Variants in IL1RAPL1 observed in about 807,000 individuals in gnomAD.
IL1RAPL1 encodes the protein interleukin 1 receptor accessory protein like 1.
IL1RAPL1 carries 3 observed loss-of-function variants against 48.4 expected under a neutral mutation model. The observed-to-expected ratio is 0.06, with a 90% CI of 0.03 to 0.16. IL1RAPL1 has a LOEUF of 0.16. IL1RAPL1 is among the 10% of genes least tolerant of loss of function. The pLI is 1.00. For synonymous variants in IL1RAPL1, 185 were observed against 187.7 expected (o/e 0.99, Z 0.12); for missense variants, 349 against 530.6 (o/e 0.66, Z 3.36).
intron 2 of IL1RAPL1, among the ~76,000 whole-genome samples, chrX:28,822,389 C>G (rs112372699): frequency 0.018 from 1,985 of 111,439 alleles, 42 homozygotes; most frequent in African/African-American, 0.061. Context: ...GTGACTCAGA[C>G]CTCATGTGGC....
At chrX:29,564,674 G>C (rs953754310) in intron 5 of IL1RAPL1, among the ~76,000 whole-genome samples, 1 of 113,002 alleles carries the variant, frequency 8.8e-6, no homozygotes, top group African/African-American at 3.2e-5. Flanking sequence ...AAGGTTACAG[G>C]CAATCATTTC....
At chrX:29,322,696 T>G (rs1387093306) in intron 3 of IL1RAPL1, among the ~76,000 whole-genome samples, 1 of 112,085 alleles carries the variant, frequency 8.9e-6, no homozygotes, top group Non-Finnish European at 1.9e-5. Context: ...GGTCTGGGCT[T>G]GGCTCTCTCA....
chrX:29,078,589 T>C (rs1202818082), intron 2 of IL1RAPL1, among the ~76,000 whole-genome samples: 2 of 112,377 alleles, frequency 1.8e-5, no homozygotes, highest in African/African-American at 6.5e-5. Flanking sequence ...TTTTGTTTCA[T>C]GTCCATGAAG....
At chrX:29,593,355 G>A (rs184325377) in intron 5 of IL1RAPL1, among the ~76,000 whole-genome samples, 22 of 111,957 alleles carry the variant, frequency 2.0e-4, no homozygotes, top group African/African-American at 7.1e-4. Context: ...CCTAATGGCC[G>A]AATCCACTTT....
chrX:28,730,890 CTAAT>C (rs1456599920), intron 1 of IL1RAPL1, among the ~76,000 whole-genome samples: 1 of 111,573 alleles, frequency 9.0e-6, no homozygotes, highest in Non-Finnish European at 1.9e-5. Flanking sequence ...AAATTTGACT[CTAAT>C]TAATGAATGT....
chrX:29,087,282 C>T (rs1171314392), intron 2 of IL1RAPL1, among the ~76,000 whole-genome samples: 3 of 109,137 alleles, frequency 2.7e-5, no homozygotes, highest in East Asian at 5.8e-4. Flanking sequence ...GGACCACAGG[C>T]GCATGCCACC....
rs144813191 is a variant in IL1RAPL1, at chrX:29,557,983, T to C, written c.704-110447T>C. Reference sequence around the variant, plus strand: ...TATGTATATTTGCTGTTGTGAATAATACTGTAATGAACATGGGAGTGCAGA... The same window carrying C: ...TATGTATATTTGCTGTTGTGAATAACACTGTAATGAACATGGGAGTGCAGA... On this transcript the variant is annotated intron_variant, in intron 5 of 10. Coordinates refer to ENST00000378993, the MANE Select transcript of IL1RAPL1 (RefSeq NM_014271.4). 5.3e-3 allele frequency among the ~76,000 whole-genome samples: 595 copies of C among 111,914 alleles called. 3 individuals carry two copies. Among genetic ancestry groups the C allele is most frequent in the African/African-American group, 0.019 (573 of 30,849 alleles).
chrX:28,723,384 G>A (rs1360930045), intron 1 of IL1RAPL1, among the ~76,000 whole-genome samples: 2 of 111,457 alleles, frequency 1.8e-5, no homozygotes, highest in African/African-American at 6.5e-5. Context: ...TTTGCATAGA[G>A]GTGTTTATAG....
chrX:29,660,427 C>T (rs1412345651), intron 5 of IL1RAPL1, among the ~76,000 whole-genome samples: 1 of 112,136 alleles, frequency 8.9e-6, no homozygotes, highest in Non-Finnish European at 1.9e-5. Flanking sequence ...GCAATGTCCC[C>T]TAGCATATCC....
chrX:28,599,376 A>T (rs1469965622), intron 1 of IL1RAPL1, among the ~76,000 whole-genome samples: 2 of 110,963 alleles, frequency 1.8e-5, no homozygotes, highest in Non-Finnish European at 3.8e-5. Flanking sequence ...TACAATGGAT[A>T]TTGGATGCTT....
intron 2 of IL1RAPL1, among the ~76,000 whole-genome samples, chrX:29,271,870 T>C (rs1932047108): frequency 8.9e-6 from 1 of 111,855 alleles, no homozygotes; most frequent in African/African-American, 3.2e-5. Context: ...TATTTTTATT[T>C]ATTTATATAT....
intron 6 of IL1RAPL1, among the ~76,000 whole-genome samples, chrX:29,752,495 CAAAA>C (rs10682605): frequency 3.8e-5 from 2 of 52,763 alleles, no homozygotes; most frequent in East Asian, 6.5e-4. Flanking sequence ...GACTTTGTCT[CAAAA>C]AAAAAAAAAA....
chrX:29,126,116 A>C (rs1201419258), intron 2 of IL1RAPL1, among the ~76,000 whole-genome samples: 1 of 111,636 alleles, frequency 9.0e-6, no homozygotes, highest in Non-Finnish European at 1.9e-5. Context: ...GCTGCTTCAA[A>C]GAATAGCTAA....
chrX:28,983,767 T>C (rs1320871795), intron 2 of IL1RAPL1, among the ~76,000 whole-genome samples: 1 of 111,900 alleles, frequency 8.9e-6, no homozygotes, highest in Non-Finnish European at 1.9e-5. Context: ...TCTCAGCTTA[T>C]TTAATAGATT....
chrX:29,562,128 A>G (rs370198665), intron 5 of IL1RAPL1, among the ~76,000 whole-genome samples: 1,515 of 76,595 alleles, frequency 0.02, 11 homozygotes, highest in Non-Finnish European at 0.024. Flanking sequence ...CTATCTATCT[A>G]TCTATCTATC....
Position 29,195,109 on chromosome X carries a change from CTCAACT to C in IL1RAPL1, c.83-87825_83-87820del, listed in dbSNP as rs375376562. On this transcript the variant is annotated intron_variant, in intron 2 of 10. Coordinates refer to ENST00000378993, the MANE Select transcript of IL1RAPL1 (RefSeq NM_014271.4). ...TTTCAAATAGATCTAGCACAACACT[CTCAACT>C]TCATTTTCCCAGAGTCTTATATATT... is the stretch of plus-strand genomic sequence containing the variant. Among the ~76,000 whole-genome samples the C allele has an allele frequency of 2.2e-3, 248 of 112,018 alleles. 1 individual carries two copies. The highest frequency in any genetic ancestry group is 7.6e-3 in the African/African-American group (236 of 30,893).
intron 2 of IL1RAPL1, among the ~76,000 whole-genome samples, chrX:29,218,991 T>C (rs770033022): frequency 1.1e-3 from 125 of 112,459 alleles, no homozygotes; most frequent in African/African-American, 3.8e-3. Flanking sequence ...TTTGAACCTA[T>C]TAAAATGGAC....
intron 1 of IL1RAPL1, among the ~76,000 whole-genome samples, chrX:28,743,804 G>A (rs1935939969): frequency 9.0e-6 from 1 of 110,783 alleles, no homozygotes; most frequent in African/African-American, 3.3e-5. Flanking sequence ...GTTGTGAAAT[G>A]ATTATATCAA....
chrX:29,327,378 T>C (rs1932849680), intron 3 of IL1RAPL1, among the ~76,000 whole-genome samples: 2 of 108,626 alleles, frequency 1.8e-5, no homozygotes, highest in South Asian at 8.1e-4. Flanking sequence ...TTCAGGGCTC[T>C]TTCCCCCTAA....
Sources: gnomAD v4.1 joint callset for allele counts (sites outside exome capture counted in the v4.1 genomes callset) on GRCh38, gnomAD v4.1.1 for gene constraint, MANE v1.5 for transcripts, NCBI Gene and HGNC (gene_info 2026-07-23, HGNC 2026-07-21) for gene names.